The following LMNTD1 variants were observed in gnomAD, a reference collection of about 807,000 sequenced individuals.
LMNTD1 encodes the protein lamin tail domain-containing protein 1.
In LMNTD1, 35 loss-of-function variants were observed where a neutral mutation model predicts 50.9. That is an observed-to-expected ratio of 0.69 (90% confidence interval 0.53 to 0.91). LMNTD1 has a LOEUF of 0.91. LMNTD1 is among the 40% of genes least tolerant of loss of function. LMNTD1 has a pLI of 0.00. For synonymous variants in LMNTD1, 153 were observed against 161.9 expected (o/e 0.94, Z 0.42); for missense variants, 470 against 475.5 (o/e 0.99, Z 0.11).
chr12:25,599,042 A>T (rs2136501841), intron 1 of LMNTD1, among the ~76,000 whole-genome samples: 1 of 152,150 alleles, frequency 6.6e-6, no homozygotes, highest in East Asian at 1.9e-4. Flanking sequence ...ATCTCTGATG[A>T]ATATTTATGC....
At chr12:25,615,669 C>T (rs910540908) in intron 1 of LMNTD1, among the ~76,000 whole-genome samples, 52 of 152,052 alleles carry the variant, frequency 3.4e-4, no homozygotes, top group Non-Finnish European at 6.5e-4. Flanking sequence ...ACATGTTGCC[C>T]AGGCTGGTCT....
Position 25,484,466 on chromosome 12 carries a change from C to T in LMNTD1, c.*23-8006G>A, listed in dbSNP as rs907971589. Among the ~76,000 whole-genome samples, 4 of 152,044 alleles carry T rather than the reference C, an allele frequency of 2.6e-5. No homozygotes were observed. In the East Asian group the frequency reaches 7.7e-4, roughly 29 times the overall value. ...TACCCCCTAGGTGAATGGGTGAGTACATTATGAGAGAATTGACCCAATAGC... is the reference window on the plus strand; with the variant it reads ...TACCCCCTAGGTGAATGGGTGAGTATATTATGAGAGAATTGACCCAATAGC... On this transcript the variant is annotated intron_variant, in intron 9 of 9. Transcript: ENST00000458174.
intron 8 of LMNTD1, among the ~76,000 whole-genome samples, chr12:25,515,723 A>G (rs544499747): frequency 6.6e-6 from 1 of 152,098 alleles, no homozygotes; most frequent in African/African-American, 2.4e-5. Context: ...CAGTGTGTAG[A>G]TGTTTCTTTA....
chr12:25,566,021 T>G (rs1944543408), intron 1 of LMNTD1, among the ~76,000 whole-genome samples: 1 of 152,158 alleles, frequency 6.6e-6, no homozygotes. Context: ...TTAGAATTCT[T>G]TCTTTGTCCT....
chr12:25,551,311 A>G (rs182480561), intron 2 of LMNTD1, among the ~76,000 whole-genome samples: 1 of 152,318 alleles, frequency 6.6e-6, no homozygotes, highest in Admixed American at 6.5e-5. Context: ...AGGCTTAACA[A>G]AATCTTTGCA....
At chr12:25,561,980 G>T (rs879726819) in intron 1 of LMNTD1, among the ~76,000 whole-genome samples, 1 of 151,960 alleles carries the variant, frequency 6.6e-6, no homozygotes, top group South Asian at 2.1e-4. Flanking sequence ...TATGTTTTCC[G>T]TTTGCTTGGT....
intron 4 of LMNTD1, among the ~76,000 whole-genome samples, chr12:25,545,085 T>G (rs961800137): frequency 6.6e-6 from 1 of 151,748 alleles, no homozygotes; most frequent in East Asian, 1.9e-4. Context: ...GGTGTTTTCT[T>G]TTTGAACATT....
intron 9 of LMNTD1, among the ~76,000 whole-genome samples, chr12:25,489,139 A>G (rs938695017): frequency 1.1e-4 from 16 of 151,902 alleles, no homozygotes; most frequent in Non-Finnish European, 1.6e-4. Flanking sequence ...GCCTCCTTGA[A>G]CAGTGGTGGG....
Position 25,623,019 on chromosome 12 carries a change from A to C in LMNTD1, c.58+25475T>G, listed in dbSNP as rs535276534. Reference sequence around the variant, plus strand: ...GAAAAGCTCTAATAGAGATGGGCACACTGAAAAGAGTTAGCTGTAATAAGA... The same window carrying C: ...GAAAAGCTCTAATAGAGATGGGCACCCTGAAAAGAGTTAGCTGTAATAAGA... On this transcript the variant is annotated intron_variant, in intron 1 of 7. Coordinates refer to the LMNTD1 transcript ENST00000445693. 2.0e-5 allele frequency among the ~76,000 whole-genome samples: 3 copies of C among 152,142 alleles called. No homozygotes were observed. The South Asian group carries it at 6.2e-4, about 32-fold the overall frequency.
chr12:25,517,974 T>C (rs1182034036), intron 8 of LMNTD1, among the ~76,000 whole-genome samples: 1 of 152,106 alleles, frequency 6.6e-6, no homozygotes, highest in African/African-American at 2.4e-5. Flanking sequence ...TCATGAGTAG[T>C]GGAAATTGCT....
intron 1 of LMNTD1, among the ~76,000 whole-genome samples, chr12:25,592,183 G>A (rs1096023): frequency 0.95 from 144,559 of 152,214 alleles, 69,112 homozygotes; most frequent in East Asian, 1. Context: ...GAAAAACATG[G>A]TATCAGAAGG....
chr12:25,516,790 A>AT (rs1565958070), intron 8 of LMNTD1, among the ~76,000 whole-genome samples: 1 of 151,736 alleles, frequency 6.6e-6, no homozygotes, highest in Non-Finnish European at 1.5e-5. Context: ...ATGGGAGAAA[A>AT]TTTTTGCAAC....
chr12:25,495,627 G>A (rs771582941), intron 9 of LMNTD1, among the ~76,000 whole-genome samples: 1 of 152,118 alleles, frequency 6.6e-6, no homozygotes, highest in African/African-American at 2.4e-5. Context: ...ATAAAATGCT[G>A]CAAAAACACA....
intron 1 of LMNTD1, among the ~76,000 whole-genome samples, chr12:25,611,094 G>A (rs1373662440): frequency 2.6e-5 from 4 of 152,184 alleles, no homozygotes; most frequent in Non-Finnish European, 4.4e-5. Flanking sequence ...AGCAGGGCAG[G>A]ACGTCAAGGG....
chr12:25,526,910 C>A lies in LMNTD1; in HGVS notation c.537G>T (p.Leu179Phe), dbSNP rs144446948. The A allele has an allele frequency of 5.6e-6, 9 of 1,611,816 alleles. No individual in the cohort carries two copies. Among genetic ancestry groups the A allele is most frequent in the Non-Finnish European group, 7.6e-6 (9 of 1,178,962 alleles). Residue 179 changes from leucine (L) to phenylalanine (F), a missense_variant, in exon 5 of 10, where the codon TTG (leucine) becomes TTT (phenylalanine). Coordinates refer to ENST00000458174, the MANE Select transcript of LMNTD1 (RefSeq NM_001145728.2). ...GGGAAGAGTTAATGAGCTTCACGAACAAACCCTTGACATTCACTTCAGCTA... is the reference window on the plus strand; with the variant it reads ...GGGAAGAGTTAATGAGCTTCACGAAAAAACCCTTGACATTCACTTCAGCTA... Reference protein sequence around the residue: ...VEIAEVNVKGLFVKLINSSLD... With the variant: ...VEIAEVNVKGFFVKLINSSLD...
intron 1 of LMNTD1, among the ~76,000 whole-genome samples, chr12:25,568,741 C>T (rs1592036977): frequency 6.6e-6 from 1 of 152,214 alleles, no homozygotes; most frequent in African/African-American, 2.4e-5. Context: ...GGCCACTGCT[C>T]CAGAGGGCAC....
chr12:25,493,294 T>C (rs910305168), intron 9 of LMNTD1, among the ~76,000 whole-genome samples: 1 of 152,114 alleles, frequency 6.6e-6, no homozygotes, highest in Non-Finnish European at 1.5e-5. Context: ...AAAAATAAGC[T>C]TGAAAGGTAA....
At chr12:25,566,665 C>A (rs535596183) in intron 1 of LMNTD1, among the ~76,000 whole-genome samples, 1 of 152,276 alleles carries the variant, frequency 6.6e-6, no homozygotes. Flanking sequence ...CAGGGAGAGG[C>A]CTCAACCCTG....
At chr12:25,597,484 A>C (rs1565510938) in intron 1 of LMNTD1, among the ~76,000 whole-genome samples, 1 of 152,080 alleles carries the variant, frequency 6.6e-6, no homozygotes, top group Non-Finnish European at 1.5e-5. Flanking sequence ...TTCACTCAAA[A>C]CTGAAGCACC....
Sources: gnomAD v4.1 joint callset for allele counts (sites outside exome capture counted in the v4.1 genomes callset) on GRCh38, gnomAD v4.1.1 for gene constraint, MANE v1.5 for transcripts, NCBI Gene and HGNC (gene_info 2026-07-23, HGNC 2026-07-21) for gene names.